The following ROBO2 variants were observed in gnomAD, a reference collection of about 807,000 sequenced individuals.
The protein encoded by ROBO2 is roundabout guidance receptor 2.
A neutral mutation model predicts 160.8 loss-of-function variants in ROBO2; 53 were observed. That is an observed-to-expected ratio of 0.33 (90% CI 0.26 to 0.41). The LOEUF is 0.41. ROBO2 is among the 10% of genes least tolerant of loss of function. The pLI is 1.00. For missense variants in ROBO2, 1,577 were observed against 1,722.4 expected, an observed-to-expected ratio of 0.92 and a Z score of 1.49; for synonymous variants, 664 against 611.7, an observed-to-expected ratio of 1.09 and a Z score of -1.26.
At chr3:77,082,210 A>C (rs930016494) in intron 1 of ROBO2, among the ~76,000 whole-genome samples, 4 of 152,228 alleles carry the variant, frequency 2.6e-5, no homozygotes, top group African/African-American at 9.6e-5. Context: ...AAAAATTGCT[A>C]ACATTTGTTA....
At chr3:77,357,872 A>G (rs114634083) in intron 2 of ROBO2, among the ~76,000 whole-genome samples, 4,366 of 152,294 alleles carry the variant, frequency 0.029, 232 homozygotes, top group African/African-American at 0.098. Flanking sequence ...ACCTTTCCCT[A>G]TGGAAATAAA....
At chr3:75,975,325 A>G (rs912592230) in intron 2 of ROBO2, among the ~76,000 whole-genome samples, 1 of 151,466 alleles carries the variant, frequency 6.6e-6, no homozygotes, top group Non-Finnish European at 1.5e-5. Flanking sequence ...TTGTCAAATT[A>G]TTTATATAAA....
chr3:77,263,194 C>G (rs1353810241), intron 2 of ROBO2, among the ~76,000 whole-genome samples: 1 of 152,104 alleles, frequency 6.6e-6, no homozygotes, highest in South Asian at 2.1e-4. Context: ...GACATGACTT[C>G]AGAGAGGCAA....
At chr3:76,436,181 C>CACACACACACACA (rs1559941598) in intron 2 of ROBO2, among the ~76,000 whole-genome samples, 1 of 151,254 alleles carries the variant, frequency 6.6e-6, no homozygotes, top group South Asian at 2.1e-4. Flanking sequence ...CACACACACA[C>CACACACACACACA]CATTTCTTTT....
At chr3:77,291,606 A>G (rs1025773475) in intron 2 of ROBO2, among the ~76,000 whole-genome samples, 5 of 151,256 alleles carry the variant, frequency 3.3e-5, no homozygotes, top group Admixed American at 2.0e-4. Context: ...GTAAAGACAT[A>G]AAGTAAAATT....
intron 1 of ROBO2, among the ~76,000 whole-genome samples, chr3:77,060,158 C>A (rs1017368321): frequency 2.0e-5 from 3 of 152,144 alleles, no homozygotes; most frequent in Non-Finnish European, 2.9e-5. Flanking sequence ...TCCTGGTTTG[C>A]AGTTTGAGTG....
intron 23 of ROBO2, chr3:77,630,612 T>G (rs2095140140): frequency 6.6e-6 from 1 of 151,936 alleles, no homozygotes. Flanking sequence ...GTTGCAAATA[T>G]TTAATTAGAA....
At chr3:76,207,398 T>C (rs1307060179) in intron 2 of ROBO2, among the ~76,000 whole-genome samples, 2 of 152,174 alleles carry the variant, frequency 1.3e-5, no homozygotes, top group Non-Finnish European at 2.9e-5. Flanking sequence ...GTTAGTTACA[T>C]GTGGGCTATA....
chr3:76,292,851 T>C lies in ROBO2; in HGVS notation c.109+355249T>C, dbSNP rs190548823. ...GTAGTTATCTGAGTGCAGTGTAATT[T>C]ATCTCATTGTAGTGATCTTATTGTA... On this transcript the variant is annotated intron_variant, in intron 2 of 26. Transcript: ENST00000487694. Among the ~76,000 whole-genome samples the C allele has an allele frequency of 2.1e-3, 323 of 152,346 alleles. 3 individuals carry two copies. Among genetic ancestry groups the C allele is most frequent in the Admixed American group, 0.02 (301 of 15,304 alleles).
chr3:77,132,633 A>C (rs537090137), intron 2 of ROBO2, among the ~76,000 whole-genome samples: 1 of 152,196 alleles, frequency 6.6e-6, no homozygotes, highest in African/African-American at 2.4e-5. Flanking sequence ...ACTTTCAACT[A>C]TTGCAAATAG....
In ROBO2 at chr3:77,242,282, C is replaced by A. The variant is rs1195962218; in HGVS notation, c.388+143942C>A. Among the ~76,000 whole-genome samples, 4 of 152,084 alleles carry A rather than the reference C, an allele frequency of 2.6e-5. 1 individual carries two copies. The highest frequency in any genetic ancestry group is 5.9e-5 in the Non-Finnish European group (4 of 68,008). On this transcript the variant is annotated intron_variant, in intron 2 of 25. Transcript: ENST00000461745. ...TTTGGCTGAAGAGATTAGCAGCATT[C>A]TTCTCTGTTCCCTTTTTTTCTGAAG...
rs184167928 is a variant in ROBO2 at position 76,601,390 on chromosome 3, A to C, written c.110-496624A>C. The stretch of plus-strand genomic sequence containing the variant: ...ACTACCCTAGCAGAGGTTCTCCATG[A>C]GGTTTCCACCCTTGCAGCAAACTTT... On this transcript the variant is annotated intron_variant, in intron 2 of 26. Coordinates refer to the ROBO2 transcript ENST00000487694. Among the ~76,000 whole-genome samples the C allele has an allele frequency of 1.2e-3, 186 of 152,298 alleles. 1 individual carries two copies. The South Asian group carries it at 0.024, about 20-fold the overall frequency.
At chr3:76,286,105 T>C (rs1708492007) in intron 2 of ROBO2, among the ~76,000 whole-genome samples, 1 of 152,180 alleles carries the variant, frequency 6.6e-6, no homozygotes, top group South Asian at 2.1e-4. Context: ...GCAATACTTA[T>C]TATGTAAAAA....
intron 2 of ROBO2, among the ~76,000 whole-genome samples, chr3:77,211,086 T>C (rs1197361923): frequency 6.6e-6 from 1 of 152,190 alleles, no homozygotes; most frequent in African/African-American, 2.4e-5. Context: ...TGTTTTGTAA[T>C]CCTTTGGGTA....
intron 2 of ROBO2, among the ~76,000 whole-genome samples, chr3:76,816,057 TCTGA>T (rs953748873): frequency 2.6e-5 from 4 of 152,138 alleles, no homozygotes; most frequent in Non-Finnish European, 5.9e-5. Flanking sequence ...TAGAAAACTT[TCTGA>T]CTGACTGGAT....
chr3:77,134,311 A>G (rs1398102490), intron 2 of ROBO2, among the ~76,000 whole-genome samples: 1 of 152,244 alleles, frequency 6.6e-6, no homozygotes, highest in Non-Finnish European at 1.5e-5. Flanking sequence ...AAAGAATTAA[A>G]AAATATACCA....
At chr3:77,291,277 C>G (rs1158464813) in intron 2 of ROBO2, among the ~76,000 whole-genome samples, 2 of 152,108 alleles carry the variant, frequency 1.3e-5, no homozygotes, top group South Asian at 4.1e-4. Flanking sequence ...GAGGCTAGAT[C>G]ACCCCAGACA....
intron 2 of ROBO2, among the ~76,000 whole-genome samples, chr3:76,672,875 CAGA>C (rs1416334594): frequency 6.6e-6 from 1 of 152,124 alleles, no homozygotes; most frequent in African/African-American, 2.4e-5. Flanking sequence ...CTTTGATTTT[CAGA>C]AGTTTTAAGC....
chr3:76,049,401 ATAT>A (rs2067573666), intron 2 of ROBO2, among the ~76,000 whole-genome samples: 1 of 63,738 alleles, frequency 1.6e-5, no homozygotes, highest in South Asian at 7.1e-4. Flanking sequence ...ATATATATAT[ATAT>A]TTTTTTTTTT....
Sources: allele counts gnomAD v4.1 joint callset (sites outside exome capture counted in the v4.1 genomes callset), GRCh38; gene constraint gnomAD v4.1.1; transcripts MANE v1.5; gene names NCBI Gene and HGNC (gene_info 2026-07-23, HGNC 2026-07-21).